EFCAB9: variants seen among roughly 807,000 people sequenced by gnomAD.
The protein encoded by EFCAB9 is EF-hand calcium-binding domain-containing protein 9.
Under a neutral mutation model 15.6 loss-of-function variants are expected in EFCAB9, and 16 were observed. That is an observed-to-expected ratio of 1.03 (90% CI 0.69 to 1.56). EFCAB9 has a LOEUF of 1.56. Among genes scored for constraint, EFCAB9 ranks in the 40% most tolerant of loss-of-function variants. The pLI, the probability that EFCAB9 is intolerant of heterozygous loss-of-function variation, is 0.00. For missense variants in EFCAB9, 208 were observed against 235.4 expected (o/e 0.88, Z 0.76); for synonymous variants, 76 against 85.4 (o/e 0.89, Z 0.61).
intron 1 of EFCAB9, among the ~76,000 whole-genome samples, chr5:172,195,897 G>A (rs575481620): frequency 2.6e-5 from 4 of 152,152 alleles, no homozygotes; most frequent in Admixed American, 2.0e-4. Flanking sequence ...TCCACCTCCC[G>A]GGTTCAAGTG....
chr5:172,194,783 G>A (rs1771130331), intron 1 of EFCAB9, among the ~76,000 whole-genome samples: 1 of 152,136 alleles, frequency 6.6e-6, no homozygotes. Flanking sequence ...TCAGCCGGGA[G>A]GAGAAAATTG....
intron 1 of EFCAB9, among the ~76,000 whole-genome samples, chr5:172,196,545 T>A (rs1359568087): frequency 6.6e-6 from 1 of 152,090 alleles, no homozygotes. Flanking sequence ...TCCGGCTAAT[T>A]TTGTATTTTT....
intron 1 of EFCAB9, among the ~76,000 whole-genome samples, chr5:172,199,045 C>T (rs968865006): frequency 4.6e-5 from 7 of 152,212 alleles, no homozygotes; most frequent in Non-Finnish European, 7.3e-5. Context: ...ATAAGGAGCA[C>T]TTTGTGCCCA....
At chr5:172,202,332 C>CAAAAAAAA (rs10690291) in intron 3 of EFCAB9, among the ~76,000 whole-genome samples, 424 of 73,072 alleles carry the variant, frequency 5.8e-3, no homozygotes, top group Non-Finnish European at 6.9e-3. Flanking sequence ...GACTTCATCT[C>CAAAAAAAA]AAAAAAAAAA....
intron 1 of EFCAB9, among the ~76,000 whole-genome samples, chr5:172,198,870 T>C (rs562186420): frequency 2.2e-4 from 34 of 152,304 alleles, no homozygotes; most frequent in Non-Finnish European, 4.4e-4. Flanking sequence ...CGCCTTGGCC[T>C]CCCAAACTGC....
intron 3 of EFCAB9, among the ~76,000 whole-genome samples, chr5:172,202,420 C>G (rs969653903): frequency 2.0e-5 from 3 of 150,912 alleles, no homozygotes; most frequent in Non-Finnish European, 4.4e-5. Flanking sequence ...AAGAAAGTGA[C>G]CTTTGTGCTG....
In EFCAB9 at chr5:172,199,380, C is replaced by T. The variant is rs1771217529; in HGVS notation, c.137-3C>T. On this transcript the variant is annotated splice_polypyrimidine_tract_variant and splice_region_variant and intron_variant, in intron 1 of 3. Transcript: ENST00000398186. ...ACATCTCCTCACCTGCCCACCTTAA[C>T]AGATGTGCTGTTCTATCACTTCCTT... 6.5e-7 allele frequency: 1 copy of T among 1,537,092 alleles called. No individual in the cohort carries two copies. Among genetic ancestry groups the T allele is most frequent in the Non-Finnish European group, 8.7e-7 (1 of 1,146,894 alleles).
intron 2 of EFCAB9, 26 bp from the exon 3 acceptor site, chr5:172,200,540 C>T: frequency 6.6e-7 from 1 of 1,525,480 alleles, no homozygotes; most frequent in Non-Finnish European, 8.8e-7. Context: ...CACTGTTGCT[C>T]ATCTCACCTA....
At chr5:172,199,657 T>C in intron 2 of EFCAB9, 126 bp downstream of exon 2, 1 of 1,376,160 alleles carries the variant, frequency 7.3e-7, no homozygotes, top group Non-Finnish European at 9.7e-7. Context: ...AAATGAGTTT[T>C]GGTTCCCGAA....
At position 172,194,313 on chromosome 5, in the gene EFCAB9, G is replaced by C; in HGVS notation, c.136+5G>C. ...ACGGCAAGAACACCTTGAATGGTCA[G>C]TACTTTCAGACATGTCTCCTCTGGG... On this transcript the variant is annotated splice_donor_5th_base_variant and intron_variant, in intron 1 of 3. Transcript: ENST00000398186. The C allele has an allele frequency of 1.3e-6, 2 of 1,537,812 alleles. No individual in the cohort carries two copies. The highest frequency in any genetic ancestry group is 1.7e-6 in the Non-Finnish European group (2 of 1,146,988).
At position 172,203,272 on chromosome 5, in the gene EFCAB9, A is replaced by C; in HGVS notation, c.521A>C (p.Lys174Thr). Reference sequence around the variant, plus strand: ...ATCATCTACACTGACAAATTACAGAAGAGGCAGAAAACAGAGGAGAAAGAA... The same window carrying C: ...ATCATCTACACTGACAAATTACAGACGAGGCAGAAAACAGAGGAGAAAGAA... Reference protein sequence around the residue: ...YTIIYTDKLQKRQKTEEKEKG... With the variant: ...YTIIYTDKLQTRQKTEEKEKG... Residue 174 changes from lysine (K) to threonine (T), a missense_variant, in exon 4 of 4, where the codon AAG (lysine) becomes ACG (threonine). Lys to Thr is a moderately conservative substitution (Grantham distance 78). Coordinates refer to ENST00000398186, the MANE Select transcript of EFCAB9 (RefSeq NM_001171183.2). 1 of 1,536,992 alleles carries C rather than the reference A, an allele frequency of 6.5e-7. No individual in the cohort carries two copies. Among genetic ancestry groups the C allele is most frequent in the Non-Finnish European group, 8.7e-7 (1 of 1,146,780 alleles).
intron 3 of EFCAB9, among the ~76,000 whole-genome samples, chr5:172,201,683 AAG>A (rs1451273612): frequency 1.3e-5 from 2 of 152,160 alleles, no homozygotes; most frequent in African/African-American, 4.8e-5. Flanking sequence ...ATTAAACAGG[AAG>A]AGATTATATG....
chr5:172,201,059 C>T (rs1054112872), intron 3 of EFCAB9, among the ~76,000 whole-genome samples: 10 of 151,816 alleles, frequency 6.6e-5, no homozygotes, highest in Admixed American at 3.9e-4. Context: ...ATTGTGAAAC[C>T]CTGTCTCTAC....
intron 2 of EFCAB9, 107 bp from the exon 3 acceptor site, chr5:172,200,459 T>C (rs994683276): frequency 8.4e-7 from 1 of 1,192,726 alleles, no homozygotes; most frequent in Non-Finnish European, 1.1e-6. Flanking sequence ...CTCTTTTGCT[T>C]TTAGCTCTCT....
In EFCAB9 at chr5:172,200,011, A is replaced by C. The variant is rs144287855; in HGVS notation, c.285+480A>C. 1.2e-3 allele frequency among the ~76,000 whole-genome samples: 158 copies of C among 136,330 alleles called. 1 individual carries two copies. Among genetic ancestry groups the C allele is most frequent in the African/African-American group, 4.3e-3 (153 of 35,502 alleles). 89.4% of individuals were successfully genotyped at this position (136,330 alleles called of 152,430 possible). ...GAGTGCAATGGCGCGATCTCAGCTCACTGCAACCTCCACCATCTGGGTTCA... is the reference window on the plus strand; with the variant it reads ...GAGTGCAATGGCGCGATCTCAGCTCCCTGCAACCTCCACCATCTGGGTTCA... On this transcript the variant is annotated intron_variant, in intron 2 of 3. Coordinates refer to ENST00000398186, the MANE Select transcript of EFCAB9 (RefSeq NM_001171183.2).
Position 172,200,683 on chromosome 5 carries a change from A to C in EFCAB9, c.403A>C (p.Asn135His). Residue 135 changes from asparagine to histidine, a missense_variant, in exon 3 of 4, where the codon AAT (asparagine) becomes CAT (histidine). Asn to His is a moderately conservative substitution (Grantham distance 68). Transcript: ENST00000398186. The part of the protein sequence containing the change: ...KNFEMYRFLF[N>H]IQKQELKDLF... ...CTTCGAAATGTACAGATTTCTCTTC[A>C]ATATTCAAAAACAGGAACTCAAAGA... is the stretch of plus-strand genomic sequence containing the variant. 1 of 1,537,556 alleles carries C rather than the reference A, an allele frequency of 6.5e-7. No individual in the cohort carries two copies. Among genetic ancestry groups the C allele is most frequent in the Non-Finnish European group, 8.7e-7 (1 of 1,146,978 alleles).
At chr5:172,194,885 C>T (rs1209723083) in intron 1 of EFCAB9, among the ~76,000 whole-genome samples, 1 of 151,558 alleles carries the variant, frequency 6.6e-6, no homozygotes, top group Non-Finnish European at 1.5e-5. Flanking sequence ...TTTTCCTCAT[C>T]TAGAGGTGAG....
At chr5:172,196,315 G>A (rs1423126625) in intron 1 of EFCAB9, among the ~76,000 whole-genome samples, 1 of 152,034 alleles carries the variant, frequency 6.6e-6, no homozygotes, top group Non-Finnish European at 1.5e-5. Flanking sequence ...CTACTAATTT[G>A]CTGTGCTTTT....
chr5:172,201,407 CG>C (rs1293868766), intron 3 of EFCAB9, among the ~76,000 whole-genome samples: 1 of 151,812 alleles, frequency 6.6e-6, no homozygotes, highest in Non-Finnish European at 1.5e-5. Flanking sequence ...ATTAGCCAGG[CG>C]TGGTGGCAGG....
Sources: gnomAD v4.1 joint callset for allele counts (sites outside exome capture counted in the v4.1 genomes callset) on GRCh38, gnomAD v4.1.1 for gene constraint, MANE v1.5 for transcripts, NCBI Gene and HGNC (gene_info 2026-07-23, HGNC 2026-07-21) for gene names.